The following PTPDC1 variants were observed in gnomAD, a reference collection of about 807,000 sequenced individuals.
PTPDC1 encodes the protein protein tyrosine phosphatase domain-containing protein 1.
Under a neutral mutation model 75.3 loss-of-function variants are expected in PTPDC1, and 53 were observed. That is an observed-to-expected ratio of 0.70 (90% CI 0.56 to 0.88). The LOEUF (loss-of-function observed/expected upper bound fraction) is 0.88, where lower values mean the gene tolerates loss of function less well. PTPDC1 is among the 40% of genes least tolerant of loss of function. The pLI, the probability that PTPDC1 is intolerant of heterozygous loss-of-function variation, is 0.00. For missense variants in PTPDC1, 925 were observed against 998.6 expected (o/e 0.93, Z 0.99); for synonymous variants, 349 against 366.2 (o/e 0.95, Z 0.54).
intron 2 of PTPDC1, among the ~76,000 whole-genome samples, chr9:94,074,366 G>A (rs897735527): frequency 1.3e-5 from 2 of 152,156 alleles, no homozygotes; most frequent in Admixed American, 6.5e-5. Flanking sequence ...GCCTTGCACT[G>A]TCATGTTGCC....
At chr9:94,032,226 C>T (rs1829741971) in intron 1 of PTPDC1, among the ~76,000 whole-genome samples, 2 of 152,176 alleles carry the variant, frequency 1.3e-5, no homozygotes, top group Admixed American at 1.3e-4. Context: ...ACAAGAATTC[C>T]ACCTTGTGGC....
chr9:94,069,823 C>CTTTT (rs763640631), intron 2 of PTPDC1, among the ~76,000 whole-genome samples: 2 of 108,198 alleles, frequency 1.8e-5, no homozygotes, highest in Admixed American at 1.0e-4. Context: ...CCAATACTTT[C>CTTTT]TTTTTTTTTT....
At chr9:94,072,284 G>A (rs1023031303) in intron 2 of PTPDC1, among the ~76,000 whole-genome samples, 3 of 152,172 alleles carry the variant, frequency 2.0e-5, no homozygotes, top group Non-Finnish European at 2.9e-5. Flanking sequence ...GGGATTATAG[G>A]CATGAGCCAC....
intron 8 of PTPDC1, among the ~76,000 whole-genome samples, chr9:94,104,929 A>G (rs773503909): frequency 3.3e-5 from 5 of 152,162 alleles, no homozygotes; most frequent in Admixed American, 6.5e-5. Flanking sequence ...ACTGAGAGAA[A>G]AGTTTCCCCT....
Position 94,095,449 on chromosome 9 carries a change from G to T in PTPDC1, c.749G>T (p.Arg250Leu). Residue 250 changes from arginine (R) to leucine (L), a missense_variant, in exon 5 of 9, where the codon CGA becomes CTA. Arg to Leu is a moderately radical substitution (Grantham distance 102). Coordinates refer to ENST00000620992, the MANE Select transcript of PTPDC1 (RefSeq NM_001253829.2). ...VAIHCHAGLG[R>L]TGVLIACYLV... is the part of the protein sequence containing the mutation. ...ATCCATTGTCATGCAGGGCTTGGTCGAACAGGTAGGTCCTAAGAGGTGGTT... is the reference window on the plus strand; with the variant it reads ...ATCCATTGTCATGCAGGGCTTGGTCTAACAGGTAGGTCCTAAGAGGTGGTT... The T allele has an allele frequency of 6.2e-7, 1 of 1,612,016 alleles. No individual in the cohort carries two copies. Among genetic ancestry groups the T allele is most frequent in the Non-Finnish European group, 8.5e-7 (1 of 1,179,002 alleles).
rs535619057 is a variant in PTPDC1, at chr9:94,046,247, G to A, written c.-7+15120G>A. On this transcript the variant is annotated intron_variant, in intron 1 of 9. Transcript: ENST00000375360. ...GTACCATGCTGTTTTGGTTACTGTA[G>A]CCTTATAGTACAGTTTGAAGTCAGG... Among the ~76,000 whole-genome samples, 11 of 152,268 alleles carry A rather than the reference G, an allele frequency of 7.2e-5. No individual in the cohort carries two copies. The South Asian group carries it at 1.0e-3, about 14-fold the overall frequency.
chr9:94,037,952 A>G (rs1396811890), intron 1 of PTPDC1: 2 of 257,260 alleles, frequency 7.8e-6, no homozygotes, highest in African/African-American at 2.3e-5. Context: ...CTATTAAATT[A>G]TCTCTGTTTT....
upstream of PTPDC1, among the ~76,000 whole-genome samples, chr9:94,079,507 G>A (rs988635982): frequency 2.0e-5 from 3 of 152,166 alleles, no homozygotes; most frequent in African/African-American, 7.2e-5. Context: ...GTTTGATCAT[G>A]CTCCATGAGA....
chr9:94,097,503 C>T lies in PTPDC1; in HGVS notation c.937C>T (p.His313Tyr). 2 of 1,614,182 alleles carry T rather than the reference C, an allele frequency of 1.2e-6. No homozygotes were observed. Among genetic ancestry groups the T allele is most frequent in the Non-Finnish European group, 1.7e-6 (2 of 1,180,008 alleles). Residue 313 changes from histidine to tyrosine, a missense_variant, in exon 6 of 9, where the codon CAT becomes TAT. Coordinates refer to ENST00000620992, the MANE Select transcript of PTPDC1 (RefSeq NM_001253829.2). ...ATTCTCTTGCTGTGATCCCAAAGCA[C>T]ATGCTGTCACCTTACCTCAATATCT... ...NIFSCCDPKA[H>Y]AVTLPQYLIR...
chr9:94,076,067 T>C (rs1826674641), intron 2 of PTPDC1, among the ~76,000 whole-genome samples: 1 of 152,192 alleles, frequency 6.6e-6, no homozygotes, highest in Admixed American at 6.5e-5. Flanking sequence ...TGGCATGATC[T>C]TGGCTCACTG....
At position 94,068,668 on chromosome 9, in the gene PTPDC1, C is replaced by T. The variant is rs1039528871; in HGVS notation, c.82+3847C>T. Among the ~76,000 whole-genome samples the T allele has an allele frequency of 5.9e-5, 9 of 152,262 alleles. No homozygotes were observed. In the South Asian group the frequency reaches 1.7e-3, roughly 28 times the overall value. ...TATCCTGTTCCACATCCAACTTTTA[C>T]CTAGCAGTTTTAGCATCTATTGCTG... On this transcript the variant is annotated intron_variant, in intron 2 of 9. Coordinates refer to the PTPDC1 transcript ENST00000375360.
At chr9:94,098,687 G>A (rs750899590) in intron 6 of PTPDC1, 108 bp downstream of exon 6, 25 of 957,774 alleles carry the variant, frequency 2.6e-5, no homozygotes, top group Non-Finnish European at 3.7e-5. Context: ...GTGAAGATAC[G>A]TTTGCATAAT....
intron 4 of PTPDC1, 36 bp from the exon 5 acceptor site, chr9:94,095,281 G>A (rs1827517832): frequency 2.6e-6 from 4 of 1,552,120 alleles, no homozygotes; most frequent in African/African-American, 2.7e-5. Flanking sequence ...TTAATTTCCT[G>A]TATGTTGATT....
At chr9:94,044,653 A>G (rs994688326) in intron 1 of PTPDC1, among the ~76,000 whole-genome samples, 1 of 152,006 alleles carries the variant, frequency 6.6e-6, no homozygotes, top group Non-Finnish European at 1.5e-5. Flanking sequence ...GCATCCATGG[A>G]CAACCATGAA....
At chr9:94,073,558 C>T (rs551782972) in intron 2 of PTPDC1, among the ~76,000 whole-genome samples, 26 of 152,252 alleles carry the variant, frequency 1.7e-4, no homozygotes, top group Non-Finnish European at 3.5e-4. Flanking sequence ...TCTTATATCA[C>T]TGATTTGCAC....
At chr9:94,063,409 A>T (rs771864373) in intron 1 of PTPDC1, among the ~76,000 whole-genome samples, 3 of 152,360 alleles carry the variant, frequency 2.0e-5, no homozygotes, top group South Asian at 4.1e-4. Flanking sequence ...TTGTTCCATT[A>T]GTCCCTTTAC....
At chr9:94,069,543 CAG>C (rs1288080415) in intron 2 of PTPDC1, among the ~76,000 whole-genome samples, 3 of 138,612 alleles carry the variant, frequency 2.2e-5, no homozygotes, top group Non-Finnish European at 3.0e-5. Flanking sequence ...TTTTTTTGGA[CAG>C]AGTCTCGCTC....
upstream of PTPDC1, among the ~76,000 whole-genome samples, chr9:94,080,330 G>C (rs775071993): frequency 3.3e-5 from 5 of 152,130 alleles, no homozygotes; most frequent in African/African-American, 4.8e-5. Flanking sequence ...TTGTGGAAAG[G>C]GTGGAAATTA....
At chr9:94,069,350 T>C (rs1480408431) in intron 2 of PTPDC1, among the ~76,000 whole-genome samples, 3 of 152,174 alleles carry the variant, frequency 2.0e-5, no homozygotes, top group Admixed American at 6.5e-5. Context: ...TACCCACCCA[T>C]ACTAAAGGGT....
Sources: allele counts gnomAD v4.1 joint callset (sites outside exome capture counted in the v4.1 genomes callset), GRCh38; gene constraint gnomAD v4.1.1; transcripts MANE v1.5; gene names NCBI Gene and HGNC (gene_info 2026-07-23, HGNC 2026-07-21).